The following PTDSS1 variants were observed in gnomAD, a reference collection of about 807,000 sequenced individuals.
The protein encoded by PTDSS1 is phosphatidylserine synthase 1.
PTDSS1 carries 45 observed loss-of-function variants against 70.5 expected under a neutral mutation model. That is an observed-to-expected ratio of 0.64 (90% CI 0.50 to 0.82). The LOEUF is 0.82. Among genes scored for constraint, PTDSS1 ranks in the 40% least tolerant of loss-of-function variants. The pLI, the probability that PTDSS1 is intolerant of heterozygous loss-of-function variation, is 0.00. For missense variants in PTDSS1, 417 were observed against 586.1 expected, an observed-to-expected ratio of 0.71 and a Z score of 2.98; for synonymous variants, 188 against 203.8, an observed-to-expected ratio of 0.92 and a Z score of 0.66.
intron 4 of PTDSS1, 35 bp downstream of exon 4, chr8:96,287,181 G>T (rs370910522): frequency 1.7e-4 from 279 of 1,609,612 alleles, no homozygotes; most frequent in Non-Finnish European, 2.2e-4. Flanking sequence ...GGAGAAACTC[G>T]TAGACTCTTT....
intron 6 of PTDSS1, among the ~76,000 whole-genome samples, chr8:96,301,553 C>G (rs1051183588): frequency 1.3e-5 from 2 of 151,490 alleles, no homozygotes; most frequent in Non-Finnish European, 2.9e-5. Context: ...GAGTTTCACT[C>G]TTGTTGCCCA....
chr8:96,283,109 GA>G (rs1810766057), intron 2 of PTDSS1, among the ~76,000 whole-genome samples: 1 of 152,222 alleles, frequency 6.6e-6, no homozygotes, highest in African/African-American at 2.4e-5. Flanking sequence ...CAGGGCTAGA[GA>G]AACAGAGAGA....
In PTDSS1 at chr8:96,320,246, G is replaced by A. The variant is rs1001297917; in HGVS notation, c.1074G>A (p.Gly358=). ...KRVGTQCWVF[G]VIGFLEAIVC... is the part of the protein sequence containing the mutation. ...TAACCTCTGTTCTCTGTCTAATTAG[G>A]GTCATTGGTTTCCTGGAGGCCATTG... Residue 358 remains glycine, a splice_region_variant and synonymous_variant, in exon 10 of 13, where the codon GGG becomes GGA. Coordinates refer to ENST00000517309, the MANE Select transcript of PTDSS1 (RefSeq NM_014754.3). The A allele has an allele frequency of 8.1e-6, 13 of 1,596,440 alleles. No individual in the cohort carries two copies. In the Middle Eastern group the frequency reaches 8.3e-4, roughly 101 times the overall value.
intron 3 of PTDSS1, among the ~76,000 whole-genome samples, chr8:96,286,290 C>T (rs780460100): frequency 6.6e-5 from 10 of 152,162 alleles, no homozygotes; most frequent in Non-Finnish European, 7.4e-5. Flanking sequence ...CTCTCTAAAA[C>T]GTATTGGACA....
chr8:96,322,444 G>A (rs961903261), intron 10 of PTDSS1, among the ~76,000 whole-genome samples: 7 of 151,992 alleles, frequency 4.6e-5, no homozygotes, highest in African/African-American at 9.7e-5. Flanking sequence ...GAGGTGGGCC[G>A]GACTTACCCT....
intron 4 of PTDSS1, 93 bp downstream of exon 4, chr8:96,287,239 CTG>C: frequency 6.7e-7 from 1 of 1,489,600 alleles, no homozygotes; most frequent in South Asian, 1.3e-5. Context: ...TGTTCCTTCT[CTG>C]TATTTCCTGT....
At chr8:96,317,925 G>T (rs916854390) in intron 9 of PTDSS1, among the ~76,000 whole-genome samples, 1 of 145,700 alleles carries the variant, frequency 6.9e-6, no homozygotes, top group Non-Finnish European at 1.5e-5. Context: ...GTGTGTACAC[G>T]CATGCGTATA....
chr8:96,329,646 A>T (rs1156771748), intron 10 of PTDSS1, among the ~76,000 whole-genome samples: 1 of 151,974 alleles, frequency 6.6e-6, no homozygotes, highest in Non-Finnish European at 1.5e-5. Context: ...TTGTTTTCCT[A>T]TCCATATAAC....
chr8:96,287,353 G>A, intron 4 of PTDSS1: 1 of 583,286 alleles, frequency 1.7e-6, no homozygotes, highest in Admixed American at 3.3e-5. Flanking sequence ...TACGCAAAGG[G>A]GTCTGTGAGG....
In PTDSS1 at chr8:96,307,349, C is replaced by T. The variant is rs141263140; in HGVS notation, c.1007+793C>T. On this transcript the variant is annotated intron_variant, in intron 8 of 12. Transcript: ENST00000517309. The stretch of plus-strand genomic sequence containing the variant: ...CATTATTTTTAATGTGCTTGCAAAC[C>T]CCATAAGCAGCGGGCCTCACTTGCC... 1.2e-4 allele frequency among the ~76,000 whole-genome samples: 18 copies of T among 148,840 alleles called. No individual in the cohort carries two copies. The East Asian group carries it at 2.8e-3, about 23-fold the overall frequency.
intron 1 of PTDSS1, among the ~76,000 whole-genome samples, chr8:96,269,750 CTATACTAAGA>C (rs1330221198): frequency 6.6e-6 from 1 of 152,192 alleles, no homozygotes; most frequent in Non-Finnish European, 1.5e-5. Context: ...CAGGGCAAGG[CTATACTAAGA>C]TAATGTCTCA....
At chr8:96,301,702 A>T (rs1299933179) in intron 6 of PTDSS1, among the ~76,000 whole-genome samples, 1 of 150,166 alleles carries the variant, frequency 6.7e-6, no homozygotes, top group Admixed American at 6.6e-5. Context: ...TTTTAGGAGA[A>T]ACGGGGTTTC....
At chr8:96,292,902 A>G (rs1467677143) in intron 4 of PTDSS1, among the ~76,000 whole-genome samples, 1 of 152,206 alleles carries the variant, frequency 6.6e-6, no homozygotes, top group East Asian at 1.9e-4. Context: ...TCTGTAAGCA[A>G]ATAATTTCCA....
chr8:96,293,621 T>C (rs568928115), intron 4 of PTDSS1, among the ~76,000 whole-genome samples: 3 of 152,372 alleles, frequency 2.0e-5, no homozygotes, highest in African/African-American at 7.2e-5. Flanking sequence ...GCAAATCTGT[T>C]CATTACTAAC....
intron 4 of PTDSS1, among the ~76,000 whole-genome samples, chr8:96,288,553 T>C (rs1189034832): frequency 6.6e-6 from 1 of 151,406 alleles, no homozygotes; most frequent in Non-Finnish European, 1.5e-5. Context: ...CGCAAACTCC[T>C]GATCTCAAAT....
At chr8:96,285,887 A>C (rs1426507891) in intron 3 of PTDSS1, among the ~76,000 whole-genome samples, 3 of 152,176 alleles carry the variant, frequency 2.0e-5, no homozygotes, top group Non-Finnish European at 4.4e-5. Flanking sequence ...GTTTGTGGTG[A>C]AAATTGGTAA....
Position 96,330,307 on chromosome 8 carries a change from C to T in PTDSS1, c.1242+26C>T, listed in dbSNP as rs546638978. The T allele has an allele frequency of 1.9e-5, 30 of 1,590,124 alleles. No homozygotes were observed. In the South Asian group the frequency reaches 2.1e-4, roughly 11 times the overall value. On this transcript the variant is annotated intron_variant, in intron 11 of 12. Coordinates refer to ENST00000517309, the MANE Select transcript of PTDSS1 (RefSeq NM_014754.3). ...GTATGGAAGGAGAGGCAGGCATGGC[C>T]ATTGTTTAAAATAATCACCCCGGGC...
chr8:96,316,803 G>A (rs893286072), intron 9 of PTDSS1, among the ~76,000 whole-genome samples: 11 of 152,058 alleles, frequency 7.2e-5, no homozygotes, highest in Non-Finnish European at 1.6e-4. Context: ...GACCATCCTG[G>A]CCAACATGGT....
At chr8:96,292,765 C>T (rs1404620465) in intron 4 of PTDSS1, among the ~76,000 whole-genome samples, 1 of 152,214 alleles carries the variant, frequency 6.6e-6, no homozygotes, top group African/African-American at 2.4e-5. Context: ...TTGCTTTAGA[C>T]CTGGGCTGAA....
Sources: allele counts gnomAD v4.1 joint callset (sites outside exome capture counted in the v4.1 genomes callset), GRCh38; gene constraint gnomAD v4.1.1; transcripts MANE v1.5; gene names NCBI Gene and HGNC (gene_info 2026-07-23, HGNC 2026-07-21).